LAMA2: variants seen among roughly 807,000 people sequenced by gnomAD.
The protein encoded by LAMA2 is laminin subunit alpha-2.
Under a neutral mutation model 364.8 loss-of-function variants are expected in LAMA2, and 269 were observed. That is an observed-to-expected ratio of 0.74 (90% confidence interval 0.67 to 0.82). The LOEUF is 0.82. LAMA2 is among the 40% of genes least tolerant of loss of function. The pLI is 0.00. For synonymous variants in LAMA2, 1,379 were observed against 1,370.6 expected (o/e 1.01, Z -0.14); for missense variants, 3,807 against 3,873.2 (o/e 0.98, Z 0.45).
chr6:128,886,145 A>G (rs1776138001), intron 1 of LAMA2, among the ~76,000 whole-genome samples: 5 of 152,158 alleles, frequency 3.3e-5, no homozygotes, highest in African/African-American at 9.7e-5. Context: ...GAAAATGTAA[A>G]ATCCAAGCTT....
intron 29 of LAMA2, among the ~76,000 whole-genome samples, chr6:129,331,238 T>G (rs976836864): frequency 1.3e-5 from 2 of 152,138 alleles, no homozygotes; most frequent in African/African-American, 4.8e-5. Flanking sequence ...TAATCTCACC[T>G]TAAATTCATG....
chr6:129,117,135 G>A (rs940659390), intron 4 of LAMA2, among the ~76,000 whole-genome samples: 1 of 152,260 alleles, frequency 6.6e-6, no homozygotes, highest in East Asian at 1.9e-4. Context: ...GCTAGTGTCT[G>A]ACAAAGAAGA....
At chr6:129,172,254 C>G (rs1267256343) in intron 9 of LAMA2, among the ~76,000 whole-genome samples, 1 of 152,048 alleles carries the variant, frequency 6.6e-6, no homozygotes, top group Non-Finnish European at 1.5e-5. Flanking sequence ...AGGCACTCTG[C>G]TTTTTAGAGT....
At chr6:128,997,135 G>C (rs1413090000) in intron 1 of LAMA2, among the ~76,000 whole-genome samples, 2 of 151,936 alleles carry the variant, frequency 1.3e-5, no homozygotes, top group Non-Finnish European at 2.9e-5. Context: ...TGTTGGGGGA[G>C]GGGTGGGAGG....
chr6:129,045,943 C>T (rs996970817), intron 1 of LAMA2, among the ~76,000 whole-genome samples: 11 of 152,040 alleles, frequency 7.2e-5, no homozygotes, highest in Non-Finnish European at 1.0e-4. Flanking sequence ...GGCAAAAATC[C>T]GAGAGAAAAA....
chr6:128,971,522 G>A (rs1774267385), intron 1 of LAMA2, among the ~76,000 whole-genome samples: 1 of 152,196 alleles, frequency 6.6e-6, no homozygotes, highest in South Asian at 2.1e-4. Context: ...ACAGGGGTTT[G>A]GAGGATGCAT....
At chr6:128,948,256 A>G (rs540714965) in intron 1 of LAMA2, among the ~76,000 whole-genome samples, 1 of 152,276 alleles carries the variant, frequency 6.6e-6, no homozygotes, top group Middle Eastern at 3.4e-3. Flanking sequence ...CTGAAATTTC[A>G]GTGCTATAAA....
chr6:129,233,983 T>A (rs1228923943), intron 12 of LAMA2, among the ~76,000 whole-genome samples: 1 of 152,182 alleles, frequency 6.6e-6, no homozygotes, highest in African/African-American at 2.4e-5. Context: ...GAGGAACTCT[T>A]TTTTTCCGCA....
chr6:129,049,925 C>T lies in LAMA2; in HGVS notation c.120C>T (p.Phe40=). ...QSQAHQQRGL[F]PAVLNLASNA... ...TTTGTCCATCTTTTTCAGGTTTATT[C>T]CCTGCTGTCCTGAATCTTGCTTCTA... The change falls in exon 2 of 65, where the codon TTC becomes TTT. Residue 40 remains phenylalanine, a synonymous_variant. Transcript: ENST00000421865. 1 of 1,613,678 alleles carries T rather than the reference C, an allele frequency of 6.2e-7. No homozygotes were observed. Among genetic ancestry groups the T allele is most frequent in the East Asian group, 2.2e-5 (1 of 44,876 alleles).
chr6:129,155,830 A>ATTGTT (rs144275927), intron 8 of LAMA2, among the ~76,000 whole-genome samples: 5,637 of 151,970 alleles, frequency 0.037, 214 homozygotes, highest in East Asian at 0.15. Context: ...TATTTTCAAG[A>ATTGTT]TTGTCTATAG....
At chr6:128,974,003 G>T (rs1050740196) in intron 1 of LAMA2, among the ~76,000 whole-genome samples, 4 of 152,138 alleles carry the variant, frequency 2.6e-5, no homozygotes, top group Non-Finnish European at 4.4e-5. Flanking sequence ...CTCCTCAACT[G>T]CTTTTCTAAG....
intron 42 of LAMA2, among the ~76,000 whole-genome samples, chr6:129,439,074 C>A (rs946119974): frequency 3.3e-5 from 5 of 151,826 alleles, no homozygotes; most frequent in South Asian, 2.1e-4. Flanking sequence ...GGACCCCCCC[C>A]CACAGATATC....
intron 40 of LAMA2, among the ~76,000 whole-genome samples, chr6:129,422,999 A>G (rs947050015): frequency 1.3e-5 from 2 of 152,242 alleles, no homozygotes; most frequent in African/African-American, 4.8e-5. Context: ...TGATCACTAA[A>G]TGATATTAAT....
At chr6:129,033,676 G>A (rs1786398735) in intron 1 of LAMA2, among the ~76,000 whole-genome samples, 1 of 151,898 alleles carries the variant, frequency 6.6e-6, no homozygotes, top group Non-Finnish European at 1.5e-5. Flanking sequence ...TATATTTTGA[G>A]TTTACACACT....
rs573898798 is a variant in LAMA2, at chr6:129,269,762, A to G, written c.2323-862A>G. On this transcript the variant is annotated intron_variant, in intron 16 of 64. Coordinates refer to ENST00000421865, the MANE Select transcript of LAMA2 (RefSeq NM_000426.4). ...AAAATTGAAAGGAAGTAAAACAAAA[A>G]TCAAATCGGGGAAAAAATCTTTCTT... Among the ~76,000 whole-genome samples the G allele has an allele frequency of 1.2e-3, 178 of 152,234 alleles. 1 individual carries two copies. The highest frequency in any genetic ancestry group is 4.0e-3 in the African/African-American group (168 of 41,568).
intron 37 of LAMA2, among the ~76,000 whole-genome samples, chr6:129,395,267 CTGTG>C (rs1467199135): frequency 2.0e-5 from 3 of 152,322 alleles, no homozygotes; most frequent in Middle Eastern, 3.4e-3. Context: ...TCCCTTATAA[CTGTG>C]TCCACAATGA....
chr6:129,055,175 A>T (rs909280273), intron 2 of LAMA2, among the ~76,000 whole-genome samples: 1 of 95,898 alleles, frequency 1.0e-5, no homozygotes, highest in African/African-American at 5.9e-5. Context: ...CATTATTATT[A>T]TTTATTATTA....
At chr6:129,348,571 T>G (rs1388196893) in intron 30 of LAMA2, among the ~76,000 whole-genome samples, 3 of 151,920 alleles carry the variant, frequency 2.0e-5, no homozygotes, top group African/African-American at 7.3e-5. Flanking sequence ...TTTAATGGAA[T>G]AAGATCATCA....
At chr6:129,024,430 C>A (rs1295068169) in intron 1 of LAMA2, among the ~76,000 whole-genome samples, 3 of 144,038 alleles carry the variant, frequency 2.1e-5, no homozygotes, top group Non-Finnish European at 4.5e-5. Flanking sequence ...ATTGCCCAGG[C>A]TGGTGTGCAA....
Sources: gnomAD v4.1 joint callset for allele counts (sites outside exome capture counted in the v4.1 genomes callset) on GRCh38, gnomAD v4.1.1 for gene constraint, MANE v1.5 for transcripts, NCBI Gene and HGNC (gene_info 2026-07-23, HGNC 2026-07-21) for gene names.